The following VPS13A variants were observed in gnomAD, a reference collection of about 807,000 sequenced individuals.
VPS13A encodes vacuolar protein sorting 13 homolog A.
A neutral mutation model predicts 390.9 loss-of-function variants in VPS13A; 264 were observed. The ratio of observed to expected loss-of-function variants is 0.68; its 90% CI spans 0.61 to 0.75. VPS13A has a LOEUF of 0.75. Ranked by LOEUF, VPS13A falls within the 30% of genes least tolerant of loss-of-function variation. VPS13A has a pLI of 0.00. For synonymous variants in VPS13A, 1,231 were observed against 1,227.1 expected, an observed-to-expected ratio of 1.00 and a Z score of -0.07; for missense variants, 3,409 against 3,733.9, an observed-to-expected ratio of 0.91 and a Z score of 2.27.
At chr9:77,223,385 T>C (rs1357039310) in intron 13 of VPS13A, among the ~76,000 whole-genome samples, 1 of 152,148 alleles carries the variant, frequency 6.6e-6, no homozygotes, top group Non-Finnish European at 1.5e-5. Context: ...TTAAGCTTAG[T>C]GAGAAAGGCA....
intron 68 of VPS13A, 196 bp downstream of exon 68, chr9:77,382,283 CA>C: frequency 6.6e-7 from 1 of 1,520,790 alleles, no homozygotes; most frequent in East Asian, 2.4e-5. Context: ...TTACAGGCAT[CA>C]AAAAGTTTGA....
At chr9:77,373,063 A>G (rs900973426) in intron 67 of VPS13A, among the ~76,000 whole-genome samples, 7 of 152,200 alleles carry the variant, frequency 4.6e-5, no homozygotes, top group African/African-American at 1.7e-4. Flanking sequence ...ATACTGCCCA[A>G]GGTAATTTAC....
chr9:77,266,276 G>T (rs1826030080), intron 23 of VPS13A, among the ~76,000 whole-genome samples: 1 of 152,090 alleles, frequency 6.6e-6, no homozygotes, highest in Admixed American at 6.6e-5. Flanking sequence ...CTGTTGATTT[G>T]GGGGTGGAGA....
chr9:77,280,341 CATA>C (rs1826947478), intron 27 of VPS13A, 103 bp downstream of exon 27: 1 of 960,098 alleles, frequency 1.0e-6, no homozygotes. Context: ...TTCACTGTAA[CATA>C]ATCTCTTTGT....
intron 23 of VPS13A, among the ~76,000 whole-genome samples, chr9:77,269,668 T>G (rs938307522): frequency 8.5e-5 from 13 of 152,370 alleles, no homozygotes; most frequent in East Asian, 3.9e-4. Context: ...CTCCATTTGC[T>G]TAGGTCTTTT....
intron 23 of VPS13A, among the ~76,000 whole-genome samples, chr9:77,261,135 G>T (rs1251652532): frequency 6.6e-6 from 1 of 151,902 alleles, no homozygotes; most frequent in Non-Finnish European, 1.5e-5. Flanking sequence ...TCCTGACCTT[G>T]TGATCCACCC....
In VPS13A at chr9:77,209,518, C is replaced by T; in HGVS notation, c.481C>T (p.Arg161Cys). Residue 161 changes from arginine to cysteine, a missense_variant, in exon 6 of 72, where the codon CGT (arginine) becomes TGT (cysteine). Physicochemically the swap from Arg to Cys is radical, Grantham distance 180 (BLOSUM62 -3). Around this residue, in one of 5 missense-constraint regions of VPS13A, gnomAD observed 2,717 missense variants for 2,917.4 expected, o/e 0.93. Transcript: ENST00000360280. ...LQVKISSIHI[R>C]YEDDITNRDK... ...GGTGAAAATTTCCAGTATCCATATTCGTTATGAAGATGATGTAAGTATTTT... is the reference window on the plus strand; with the variant it reads ...GGTGAAAATTTCCAGTATCCATATTTGTTATGAAGATGATGTAAGTATTTT... 2.5e-6 allele frequency: 4 copies of T among 1,582,058 alleles called. No individual in the cohort carries two copies. Among genetic ancestry groups the T allele is most frequent in the South Asian group, 1.1e-5 (1 of 89,450 alleles).
rs1293945793 is a variant in VPS13A at position 77,417,642 on chromosome 9, G to C, written c.*1636G>C. ...AACAGTAGAGGTAGTCAGAAAGCTT[G>C]CATCAGACTGTCCTCATCCAAAACG... On this transcript the variant is annotated 3_prime_UTR_variant, in exon 72 of 72. Coordinates refer to ENST00000360280, the MANE Select transcript of VPS13A (RefSeq NM_033305.3). 2 of 151,994 alleles carry C rather than the reference G, an allele frequency of 1.3e-5. No homozygotes were observed. The highest frequency in any genetic ancestry group is 6.6e-5 in the Admixed American group (1 of 15,248). The allele number at this position is 151,994 out of a possible 1,614,324, so 9.4% of individuals were successfully genotyped here.
intron 19 of VPS13A, among the ~76,000 whole-genome samples, chr9:77,246,863 A>T (rs1396838225): frequency 6.6e-6 from 1 of 152,158 alleles, no homozygotes; most frequent in Non-Finnish European, 1.5e-5. Flanking sequence ...TAATATTAAG[A>T]TCAAGTGTTA....
intron 45 of VPS13A, among the ~76,000 whole-genome samples, chr9:77,323,849 G>A (rs1017439751): frequency 1.1e-4 from 16 of 151,740 alleles, no homozygotes; most frequent in African/African-American, 3.9e-4. Flanking sequence ...GTCAACTTAT[G>A]TGTATCCATG....
chr9:77,339,484 A>ATTTTTTTTTTTTTTTTTTTT (rs200451091), intron 47 of VPS13A, 32 bp from the exon 48 acceptor site: 1 of 1,387,864 alleles, frequency 7.2e-7, no homozygotes, highest in African/African-American at 1.5e-5. Flanking sequence ...AACATTTTAA[A>ATTTTTTTTTTTTTTTTTTTT]TTTTGTTTTG....
At chr9:77,357,952 CTTTTTTTTTTTTT>C (rs5898534) in intron 56 of VPS13A, 114 bp downstream of exon 56, 10 of 346,192 alleles carry the variant, frequency 2.9e-5, no homozygotes, top group Non-Finnish European at 4.0e-5. Flanking sequence ...TTGTGCTAGC[CTTTTTTTTTTTTT>C]TTTTTTTTGA....
intron 22 of VPS13A, among the ~76,000 whole-genome samples, chr9:77,259,210 C>T (rs975192310): frequency 1.3e-5 from 2 of 152,024 alleles, no homozygotes; most frequent in African/African-American, 4.8e-5. Flanking sequence ...AAGTTGAAGG[C>T]AAATAAAAGG....
At position 77,370,255 on chromosome 9, in the gene VPS13A, A is replaced by G; in HGVS notation, c.8668-2A>G. The G allele has an allele frequency of 6.2e-7, 1 of 1,614,146 alleles. No homozygotes were observed. The highest frequency in any genetic ancestry group is 8.5e-7 in the Non-Finnish European group (1 of 1,179,984). ...TCATTTATTTACTATTTGGCCCTTT[A>G]GGGAGCCATCCAGGGTCCTGAAGAG... On this transcript the variant is annotated splice_acceptor_variant, in intron 63 of 71. Coordinates refer to ENST00000360280, the MANE Select transcript of VPS13A (RefSeq NM_033305.3). LOFTEE classifies it high-confidence loss of function.
chr9:77,364,640 C>T (rs983623003), intron 59 of VPS13A, among the ~76,000 whole-genome samples: 1 of 152,122 alleles, frequency 6.6e-6, no homozygotes, highest in Non-Finnish European at 1.5e-5. Flanking sequence ...AATTCTGGCT[C>T]ATTAGTCTGG....
intron 23 of VPS13A, among the ~76,000 whole-genome samples, chr9:77,261,446 C>G (rs1825754922): frequency 6.6e-6 from 1 of 151,462 alleles, no homozygotes. Context: ...CTGCTTTGAA[C>G]TTCCTCATAT....
In VPS13A at chr9:77,357,654, TA is replaced by T. The variant is rs1284058558; in HGVS notation, c.7807-35del. The T allele has an allele frequency of 1.3e-5, 21 of 1,600,886 alleles. No homozygotes were observed. In the African/African-American group the frequency reaches 2.0e-4, roughly 15 times the overall value. Reference sequence around the variant, plus strand: ...ATTTCTAATTCTAGTCATTTATAGATAAATTAATTTTTTCATTTGGGGGGAC... The same window carrying T: ...ATTTCTAATTCTAGTCATTTATAGATAATTAATTTTTTCATTTGGGGGGAC... On this transcript the variant is annotated intron_variant, in intron 55 of 71. Coordinates refer to ENST00000360280, the MANE Select transcript of VPS13A (RefSeq NM_033305.3).
rs953483329 is a variant in VPS13A, at chr9:77,275,648, C to G, written c.2663C>G (p.Pro888Arg). ...ACATTTAAAATAAGATTTGAAGTACCAAAGGTAGGTACTACGGTAAAATTA... is the reference window on the plus strand; with the variant it reads ...ACATTTAAAATAAGATTTGAAGTACGAAAGGTAGGTACTACGGTAAAATTA... Reference protein sequence around the residue: ...MTTFKIRFEVPKVLIEFYHLV... With the variant: ...MTTFKIRFEVRKVLIEFYHLV... Residue 888 changes from proline to arginine, a missense_variant, in exon 25 of 72, where the codon CCA becomes CGA. Around this residue, in one of 5 missense-constraint regions of VPS13A, gnomAD observed 2,717 missense variants for 2,917.4 expected, o/e 0.93. Transcript: ENST00000360280. 3 of 1,612,922 alleles carry G rather than the reference C, an allele frequency of 1.9e-6. No homozygotes were observed. The highest frequency in any genetic ancestry group is 2.5e-6 in the Non-Finnish European group (3 of 1,179,274).
intron 33 of VPS13A, 78 bp from the exon 34 acceptor site, chr9:77,302,837 G>A: frequency 2.8e-6 from 4 of 1,428,562 alleles, no homozygotes; most frequent in Non-Finnish European, 3.9e-6. Context: ...CATATAAAAG[G>A]ATAAATTTAA....
Sources: gnomAD v4.1 joint callset for allele counts (sites outside exome capture counted in the v4.1 genomes callset) on GRCh38, gnomAD v4.1.1 for gene constraint, gnomAD v4.1.1 regional missense constraint, MANE v1.5 for transcripts, NCBI Gene and HGNC (gene_info 2026-07-23, HGNC 2026-07-21) for gene names.